SNX10: variants seen among roughly 807,000 people sequenced by gnomAD.
SNX10 encodes the protein sorting nexin 10.
In SNX10, 25 loss-of-function variants were observed where a neutral mutation model predicts 28.5. That is an observed-to-expected ratio of 0.88 (90% CI 0.64 to 1.22). The LOEUF (loss-of-function observed/expected upper bound fraction) is 1.22, where lower values mean the gene tolerates loss of function less well. Among genes scored for constraint, SNX10 ranks in the 50% most tolerant of loss-of-function variants. The pLI is 0.00. For synonymous variants in SNX10, 62 were observed against 81.4 expected (o/e 0.76, Z 1.28); for missense variants, 223 against 242.6 (o/e 0.92, Z 0.54).
chr7:26,349,811 C>T (rs1788528735), intron 2 of SNX10, among the ~76,000 whole-genome samples: 1 of 152,158 alleles, frequency 6.6e-6, no homozygotes, highest in Admixed American at 6.5e-5. Context: ...CCAGAGTGAG[C>T]TGTTTGATTT....
At chr7:26,331,963 A>T (rs1787766025) in intron 1 of SNX10, among the ~76,000 whole-genome samples, 1 of 152,260 alleles carries the variant, frequency 6.6e-6, no homozygotes, top group Non-Finnish European at 1.5e-5. Flanking sequence ...ATTGTTGAAT[A>T]ATACTCCATT....
chr7:26,326,555 A>G (rs1391459596), intron 1 of SNX10, among the ~76,000 whole-genome samples: 1 of 152,188 alleles, frequency 6.6e-6, no homozygotes, highest in Non-Finnish European at 1.5e-5. Context: ...AGTGATGGCC[A>G]ACTGGGACAC....
At position 26,346,461 on chromosome 7, in the gene SNX10, A is replaced by G. The variant is rs760849901; in HGVS notation, c.19A>G (p.Lys7Glu). Residue 7 changes from lysine to glutamate, a missense_variant, in exon 2 of 7, where the codon AAA becomes GAA. By Grantham distance (56) the Lys-to-Glu change is moderately conservative (BLOSUM62 1). Transcript: ENST00000338523. ...GCTGAAGATGTTTCCGGAACAACAGAAAGAGGTATGTCATCACAAATCCAA... is the reference window on the plus strand; with the variant it reads ...GCTGAAGATGTTTCCGGAACAACAGGAAGAGGTATGTCATCACAAATCCAA... MFPEQQ[K>E]EEFVSVWVRD... 1 of 1,607,008 alleles carries G rather than the reference A, an allele frequency of 6.2e-7. No individual in the cohort carries two copies. Among genetic ancestry groups the G allele is most frequent in the Non-Finnish European group, 8.5e-7 (1 of 1,173,502 alleles).
At position 26,373,385 on chromosome 7, in the gene SNX10, A is replaced by G. The variant is rs375381971; in HGVS notation, c.*813A>G. 2.0e-5 allele frequency: 3 copies of G among 152,226 alleles called. No individual in the cohort carries two copies. The allele number at this position is 152,226 out of a possible 1,614,324, so 9.4% of individuals were successfully genotyped here. A position where few individuals can be genotyped will look rare whatever the true frequency, so the allele number is the denominator to read the frequency against. On this transcript the variant is annotated 3_prime_UTR_variant, in exon 7 of 7. Transcript: ENST00000338523. The surrounding 1 kb of genome is among the most constrained non-coding windows in gnomAD (Gnocchi z 4.2). ...TAAATGTGCAATTTCTTATCACTAG[A>G]TAACTTTCAGTATCAGTGGTGGTTA... is the stretch of plus-strand genomic sequence containing the variant.
At chr7:26,326,201 T>C (rs1052437147) in intron 1 of SNX10, among the ~76,000 whole-genome samples, 1 of 152,206 alleles carries the variant, frequency 6.6e-6, no homozygotes, top group Admixed American at 6.5e-5. Context: ...CTTGCTTTTT[T>C]AGTTTTTCTA....
intron 1 of SNX10, among the ~76,000 whole-genome samples, chr7:26,336,066 T>C (rs2128006832): frequency 6.6e-6 from 1 of 152,304 alleles, no homozygotes. Flanking sequence ...AAGGAGTCAG[T>C]GATTTTTTTT....
chr7:26,364,424 G>T lies in SNX10; in HGVS notation c.112-111G>T. 2 of 1,410,030 alleles carry T rather than the reference G, an allele frequency of 1.4e-6. No homozygotes were observed. The highest frequency in any genetic ancestry group is 1.7e-5 in the South Asian group (1 of 59,472). The allele number at this position is 1,410,030 out of a possible 1,614,324, so 87.3% of individuals were successfully genotyped here. ...TGGCATAAATATAAATATATGTTTG[G>T]TGGTTTAAATCCTATTTAGAGTGAA... On this transcript the variant is annotated intron_variant, in intron 3 of 6. Transcript: ENST00000338523. This position sits in a 1 kb window ranked among gnomAD's most constrained non-coding sequence, Gnocchi z 4.9.
intron 5 of SNX10, among the ~76,000 whole-genome samples, chr7:26,366,512 GGACA>G (rs1482080508): frequency 6.6e-6 from 1 of 152,158 alleles, no homozygotes; most frequent in Non-Finnish European, 1.5e-5. Context: ...AGGCATGGCA[GGACA>G]GAGACCTGGC....
chr7:26,351,659 GTT>G (rs796713404), intron 2 of SNX10, among the ~76,000 whole-genome samples: 1,560 of 44,904 alleles, frequency 0.035, 23 homozygotes, highest in African/African-American at 0.076. Context: ...TTTTTTTTTT[GTT>G]TTTTTTTTTT....
chr7:26,319,942 T>C (rs867671159), intron 1 of SNX10, among the ~76,000 whole-genome samples: 2 of 151,468 alleles, frequency 1.3e-5, no homozygotes, highest in African/African-American at 4.8e-5. Context: ...TATGTATATA[T>C]ATGTTACTTG....
chr7:26,339,427 A>G (rs1212702074), intron 1 of SNX10, among the ~76,000 whole-genome samples: 1 of 150,924 alleles, frequency 6.6e-6, no homozygotes, highest in Non-Finnish European at 1.5e-5. Context: ...GTATAAATTT[A>G]TGGGGTTCAA....
rs55833517 is a variant in SNX10, at chr7:26,341,930, CTCCCT to C, written c.-23-4474_-23-4470del. 2.7e-5 allele frequency among the ~76,000 whole-genome samples: 4 copies of C among 146,820 alleles called. No individual in the cohort carries two copies. In the Admixed American group the frequency reaches 2.7e-4, roughly 10 times the overall value. On this transcript the variant is annotated intron_variant, in intron 1 of 6. Transcript: ENST00000338523. ...TCTCTCTCTTTCTCTTTCTGTCCTT[CTCCCT>C]TCCCTTCCCTTCCCTCCCCTCCCCT... is the stretch of plus-strand genomic sequence containing the variant.
chr7:26,307,199 C>A (rs1340454844), intron 1 of SNX10, among the ~76,000 whole-genome samples: 1 of 152,198 alleles, frequency 6.6e-6, no homozygotes, highest in African/African-American at 2.4e-5. Context: ...CTCTCATCTG[C>A]ATCCCTGTAT....
intron 1 of SNX10, among the ~76,000 whole-genome samples, chr7:26,320,795 T>A (rs761262637): frequency 3.3e-5 from 5 of 152,248 alleles, no homozygotes; most frequent in Non-Finnish European, 5.9e-5. Flanking sequence ...GGAATCATGC[T>A]GCTATTGTTC....
chr7:26,302,478 C>G (rs1191453106), intron 1 of SNX10, among the ~76,000 whole-genome samples: 1 of 149,892 alleles, frequency 6.7e-6, no homozygotes, highest in Non-Finnish European at 1.5e-5. Context: ...TGGTCTCCCT[C>G]TGTGTGCAGC....
chr7:26,333,135 G>A (rs78538599), intron 1 of SNX10, among the ~76,000 whole-genome samples: 2,007 of 152,176 alleles, frequency 0.013, 49 homozygotes, highest in African/African-American at 0.046. Flanking sequence ...GATAGTGATC[G>A]TGCTTGAATC....
rs1173756093 is a variant in SNX10 at position 26,364,206 on chromosome 7, T to C, written c.112-329T>C. 1 of 475,194 alleles carries C rather than the reference T, an allele frequency of 2.1e-6. No homozygotes were observed. The highest frequency in any genetic ancestry group is 6.0e-5 in the Admixed American group (1 of 16,578). The allele number at this position is 475,194 out of a possible 1,614,324, so 29.4% of individuals were successfully genotyped here. A position where few individuals can be genotyped will look rare whatever the true frequency, so the allele number is the denominator to read the frequency against. On this transcript the variant is annotated intron_variant, in intron 3 of 6. Transcript: ENST00000338523. This position sits in a 1 kb window ranked among gnomAD's most constrained non-coding sequence, Gnocchi z 4.9. Reference sequence around the variant, plus strand: ...ACGGATGAACCTGAGCTCCTACCTGTCATTTATATGTTAGGATTTATTTTT... The same window carrying C: ...ACGGATGAACCTGAGCTCCTACCTGCCATTTATATGTTAGGATTTATTTTT...
chr7:26,372,728 T>C lies in SNX10; in HGVS notation c.*156T>C, dbSNP rs1789612172. ...TTGGGTTGTTTATTAGTGGTATTTT[T>C]ATGTTGTCTTATTTTAGGTAAGCTT... is the stretch of plus-strand genomic sequence containing the variant. On this transcript the variant is annotated 3_prime_UTR_variant, in exon 7 of 7. Coordinates refer to ENST00000338523, the MANE Select transcript of SNX10 (RefSeq NM_013322.3). 1 of 558,092 alleles carries C rather than the reference T, an allele frequency of 1.8e-6. No individual in the cohort carries two copies. The highest frequency in any genetic ancestry group is 3.2e-6 in the Non-Finnish European group (1 of 313,834). 34.6% of individuals were successfully genotyped at this position (558,092 alleles called of 1,614,324 possible).
chr7:26,344,038 G>T (rs1393823477), intron 1 of SNX10, among the ~76,000 whole-genome samples: 1 of 152,048 alleles, frequency 6.6e-6, no homozygotes, highest in Non-Finnish European at 1.5e-5. Flanking sequence ...GTGGTGTGAA[G>T]GATGTTCACA....
Sources: allele counts gnomAD v4.1 joint callset (sites outside exome capture counted in the v4.1 genomes callset), GRCh38; gene constraint gnomAD v4.1.1; non-coding constraint Gnocchi (gnomAD v3.1); transcripts MANE v1.5; gene names NCBI Gene and HGNC (gene_info 2026-07-23, HGNC 2026-07-21).